CSMD1: variants seen among roughly 807,000 people sequenced by gnomAD.
CSMD1 encodes the protein CUB and Sushi multiple domains 1.
CSMD1 carries 213 observed loss-of-function variants against 417.5 expected under a neutral mutation model. The observed-to-expected ratio is 0.51, with a 90% CI of 0.46 to 0.57. The LOEUF (loss-of-function observed/expected upper bound fraction) is 0.57, where lower values mean the gene tolerates loss of function less well. CSMD1 is among the 20% of genes least tolerant of loss of function. The probability of loss-of-function intolerance (pLI) is 0.00; values close to 1 mark genes in which losing one functional copy is unlikely to be tolerated. For missense variants in CSMD1, 6,923 were observed against 4,529.7 expected (o/e 1.53, Z -15.17); for synonymous variants, 2,862 against 1,736.8 (o/e 1.65, Z -16.11).
rs555589001 is a variant in CSMD1, at chr8:3,811,078, G to T, written c.819-57036C>A. 3.3e-5 allele frequency among the ~76,000 whole-genome samples: 5 copies of T among 152,186 alleles called. No homozygotes were observed. In the South Asian group the frequency reaches 6.2e-4, roughly 19 times the overall value. ...AATTCTAAAGAGCTGTTTTTCCTGA[G>T]ATCGTGATAAAGGTAGTTCTAAGGT... On this transcript the variant is annotated intron_variant, in intron 5 of 69. Transcript: ENST00000635120.
intron 23 of CSMD1, among the ~76,000 whole-genome samples, chr8:3,333,639 G>T (rs928344319): frequency 6.6e-6 from 1 of 152,172 alleles, no homozygotes; most frequent in Non-Finnish European, 1.5e-5. Context: ...GTAAAAATCT[G>T]TGAGTGTGGA....
At chr8:3,855,463 G>T (rs953882048) in intron 5 of CSMD1, among the ~76,000 whole-genome samples, 8 of 152,112 alleles carry the variant, frequency 5.3e-5, no homozygotes, top group Non-Finnish European at 1.2e-4. Context: ...TATTTTCATG[G>T]TGAAATGTGC....
intron 5 of CSMD1, among the ~76,000 whole-genome samples, chr8:3,855,381 A>C (rs1156563924): frequency 6.6e-6 from 1 of 152,220 alleles, no homozygotes; most frequent in East Asian, 1.9e-4. Flanking sequence ...TCTGAACAAC[A>C]GAACAAAATA....
intron 5 of CSMD1, among the ~76,000 whole-genome samples, chr8:3,860,978 G>A (rs1361244464): frequency 6.6e-6 from 1 of 152,182 alleles, no homozygotes; most frequent in Non-Finnish European, 1.5e-5. Flanking sequence ...AATGACAAAT[G>A]AAAGACAAAG....
At chr8:4,825,196 T>A (rs1370186537) in intron 1 of CSMD1, among the ~76,000 whole-genome samples, 1 of 152,240 alleles carries the variant, frequency 6.6e-6, no homozygotes, top group East Asian at 1.9e-4. Context: ...TGAAGAGATG[T>A]AATCAATATT....
intron 3 of CSMD1, among the ~76,000 whole-genome samples, chr8:4,094,645 G>A (rs61122982): frequency 0.23 from 34,482 of 151,998 alleles, 4,903 homozygotes; most frequent in African/African-American, 0.39. Flanking sequence ...GGACACACAT[G>A]TGGAAGTAGC....
intron 5 of CSMD1, among the ~76,000 whole-genome samples, chr8:3,990,652 G>C (rs1038678121): frequency 1.3e-5 from 2 of 152,136 alleles, no homozygotes; most frequent in South Asian, 2.1e-4. Context: ...CGAATTAAAG[G>C]ATTGCTCTAG....
chr8:3,234,834 C>A (rs1799055316), intron 26 of CSMD1, among the ~76,000 whole-genome samples: 1 of 152,220 alleles, frequency 6.6e-6, no homozygotes, highest in South Asian at 2.1e-4. Flanking sequence ...GGTACCCTTC[C>A]TGAACCAGCA....
chr8:3,255,902 G>C (rs1032447271), intron 26 of CSMD1, among the ~76,000 whole-genome samples: 1 of 152,184 alleles, frequency 6.6e-6, no homozygotes, highest in African/African-American at 2.4e-5. Context: ...ACTCGCCAGT[G>C]AGATGAACCT....
intron 5 of CSMD1, among the ~76,000 whole-genome samples, chr8:3,849,505 A>G (rs977582904): frequency 8.5e-5 from 13 of 152,174 alleles, no homozygotes; most frequent in African/African-American, 3.1e-4. Context: ...TAAATGAGTA[A>G]ATGAGTAGCT....
intron 5 of CSMD1, among the ~76,000 whole-genome samples, chr8:3,919,182 T>G (rs1164137552): frequency 2.1e-5 from 1 of 47,926 alleles, no homozygotes; most frequent in African/African-American, 9.3e-5. Context: ...TCGTGTCATA[T>G]CCAAAAAAAA....
intron 22 of CSMD1, among the ~76,000 whole-genome samples, chr8:3,344,909 T>C (rs558863474): frequency 1.7e-4 from 26 of 152,352 alleles, no homozygotes; most frequent in South Asian, 6.2e-4. Flanking sequence ...TAAAAGACTA[T>C]TGACCCAGGT....
intron 5 of CSMD1, among the ~76,000 whole-genome samples, chr8:3,756,361 A>G (rs1235046687): frequency 6.6e-6 from 1 of 152,068 alleles, no homozygotes; most frequent in Non-Finnish European, 1.5e-5. Flanking sequence ...TCAAAAAAAA[A>G]AAAAAATCAT....
At chr8:3,715,967 C>A (rs1054749102) in intron 6 of CSMD1, among the ~76,000 whole-genome samples, 1 of 152,216 alleles carries the variant, frequency 6.6e-6, no homozygotes, top group African/African-American at 2.4e-5. Context: ...CTCAGATGAA[C>A]GGTTCTCTTT....
intron 8 of CSMD1, among the ~76,000 whole-genome samples, chr8:3,591,954 G>C (rs1437098471): frequency 6.6e-6 from 1 of 152,128 alleles, no homozygotes; most frequent in African/African-American, 2.4e-5. Context: ...CAGATGCATG[G>C]ATAGATGAAT....
chr8:3,312,711 G>A (rs1359615392), intron 23 of CSMD1, among the ~76,000 whole-genome samples: 1 of 152,130 alleles, frequency 6.6e-6, no homozygotes, highest in Middle Eastern at 3.2e-3. Context: ...CCGTGAACCA[G>A]CTTAGTCGCC....
intron 26 of CSMD1, among the ~76,000 whole-genome samples, chr8:3,256,412 A>C (rs546820653): frequency 1.2e-4 from 18 of 152,226 alleles, no homozygotes; most frequent in South Asian, 2.1e-4. Context: ...CCAGCAGTAC[A>C]TGTTGCAGCC....
intron 10 of CSMD1, among the ~76,000 whole-genome samples, chr8:3,561,547 C>T (rs1389274822): frequency 1.3e-5 from 2 of 152,020 alleles, no homozygotes; most frequent in South Asian, 2.1e-4. Context: ...CACATGTTCT[C>T]GATTATAAAT....
In CSMD1 at chr8:3,928,215, A is replaced by G. The variant is rs1004518275; in HGVS notation, c.818+69688T>C. Among the ~76,000 whole-genome samples the G allele has an allele frequency of 3.3e-5, 5 of 152,324 alleles. No individual in the cohort carries two copies. The South Asian group carries it at 8.3e-4, about 25-fold the overall frequency. On this transcript the variant is annotated intron_variant, in intron 5 of 69. Transcript: ENST00000635120. ...AATGATGTTAATGTAATAATACTGA[A>G]AGGAAAATAGAAATAGTAGGTATAA...
Sources: gnomAD v4.1 joint callset for allele counts (sites outside exome capture counted in the v4.1 genomes callset) on GRCh38, gnomAD v4.1.1 for gene constraint, MANE v1.5 for transcripts, NCBI Gene and HGNC (gene_info 2026-07-23, HGNC 2026-07-21) for gene names.